The following CPA6 variants were observed in gnomAD, a reference collection of about 807,000 sequenced individuals.
CPA6 encodes carboxypeptidase A6.
CPA6 carries 58 observed loss-of-function variants against 63.3 expected under a neutral mutation model. The ratio of observed to expected loss-of-function variants is 0.92; its 90% CI spans 0.74 to 1.14. The LOEUF (loss-of-function observed/expected upper bound fraction) is 1.14. Among genes scored for constraint, CPA6 ranks in the 50% most tolerant of loss-of-function variants. The pLI is 0.00. For synonymous variants in CPA6, 185 were observed against 179.0 expected (o/e 1.03, Z -0.27); for missense variants, 565 against 526.6 (o/e 1.07, Z -0.71).
At chr8:67,598,381 A>C (rs901479326) in intron 2 of CPA6, among the ~76,000 whole-genome samples, 2 of 152,200 alleles carry the variant, frequency 1.3e-5, no homozygotes, top group African/African-American at 4.8e-5. Context: ...CAAATCACCT[A>C]GTCTGCATTA....
chr8:67,537,123 C>G (rs535741411), intron 2 of CPA6, among the ~76,000 whole-genome samples: 2 of 152,092 alleles, frequency 1.3e-5, no homozygotes. Flanking sequence ...ATTTTCACAT[C>G]GATGTTCATC....
intron 2 of CPA6, among the ~76,000 whole-genome samples, chr8:67,556,743 T>G (rs12681928): frequency 0.49 from 74,076 of 152,184 alleles, 19,252 homozygotes; most frequent in Non-Finnish European, 0.59. Flanking sequence ...TTGGTGAACT[T>G]AGAGGGACTA....
intron 2 of CPA6, among the ~76,000 whole-genome samples, chr8:67,578,502 C>T (rs1813683112): frequency 6.6e-6 from 1 of 152,186 alleles, no homozygotes; most frequent in Non-Finnish European, 1.5e-5. Flanking sequence ...GCACCATGGG[C>T]ACAACCCAAT....
At chr8:67,737,168 A>AC (rs1183597838) in intron 1 of CPA6, among the ~76,000 whole-genome samples, 2 of 152,088 alleles carry the variant, frequency 1.3e-5, no homozygotes, top group Non-Finnish European at 2.9e-5. Context: ...ATGTTATGGG[A>AC]CCTCACCTAC....
chr8:67,538,599 A>G (rs1384160294), intron 2 of CPA6, among the ~76,000 whole-genome samples: 5 of 145,552 alleles, frequency 3.4e-5, no homozygotes, highest in Non-Finnish European at 7.4e-5. Context: ...ATCTTTGCAC[A>G]TGAGATGGGT....
At chr8:67,613,547 T>A (rs1564024276) in intron 2 of CPA6, among the ~76,000 whole-genome samples, 1 of 152,166 alleles carries the variant, frequency 6.6e-6, no homozygotes, top group Non-Finnish European at 1.5e-5. Context: ...CAGCTGCAGG[T>A]TAGTACAAAT....
intron 1 of CPA6, among the ~76,000 whole-genome samples, chr8:67,738,505 T>G (rs1020580570): frequency 2.6e-5 from 4 of 152,132 alleles, no homozygotes. Context: ...CTATGGAGGT[T>G]TAGGATTCTT....
rs557236872 is a variant in CPA6, at chr8:67,591,816, A to G, written c.192+32360T>C. On this transcript the variant is annotated intron_variant, in intron 2 of 10. Coordinates refer to ENST00000297770, the MANE Select transcript of CPA6 (RefSeq NM_020361.5). ...GACAATGGGGTTTTCTAGTTATACT[A>G]TCATGTCATCTGCAAACAGGGACAA... is the stretch of plus-strand genomic sequence containing the variant. Among the ~76,000 whole-genome samples, 18 of 152,352 alleles carry G rather than the reference A, an allele frequency of 1.2e-4. No individual in the cohort carries two copies. In the South Asian group the frequency reaches 3.7e-3, roughly 32 times the overall value.
chr8:67,593,093 CT>C (rs1453958906), intron 2 of CPA6, among the ~76,000 whole-genome samples: 2 of 149,758 alleles, frequency 1.3e-5, no homozygotes, highest in Non-Finnish European at 3.0e-5. Context: ...TGTCTTTGTT[CT>C]CGTTGGTTTC....
At chr8:67,627,166 T>C (rs1345304879) in intron 1 of CPA6, among the ~76,000 whole-genome samples, 1 of 152,116 alleles carries the variant, frequency 6.6e-6, no homozygotes, top group East Asian at 1.9e-4. Context: ...ACCAGTAAAT[T>C]ATATTGATGG....
intron 8 of CPA6, among the ~76,000 whole-genome samples, chr8:67,451,473 C>G: frequency 6.6e-6 from 1 of 152,262 alleles, no homozygotes; most frequent in East Asian, 1.9e-4. Flanking sequence ...GCTCAGGGAT[C>G]CCACTGACTC....
intron 2 of CPA6, among the ~76,000 whole-genome samples, chr8:67,585,797 G>A (rs1813916464): frequency 6.6e-6 from 1 of 152,126 alleles, no homozygotes; most frequent in African/African-American, 2.4e-5. Flanking sequence ...GCATAATAGT[G>A]ATATTTGACG....
intron 8 of CPA6, among the ~76,000 whole-genome samples, chr8:67,464,340 C>T (rs79586502): frequency 0.049 from 7,475 of 152,108 alleles, 275 homozygotes; most frequent in Non-Finnish European, 0.075. Context: ...AATGTCTGTT[C>T]ATATCTTTTG....
At chr8:67,459,140 A>T (rs981183064) in intron 8 of CPA6, among the ~76,000 whole-genome samples, 2 of 152,178 alleles carry the variant, frequency 1.3e-5, no homozygotes, top group Non-Finnish European at 2.9e-5. Context: ...TTATTTAAAA[A>T]TTTTTATCTA....
Position 67,475,834 on chromosome 8 carries a change from T to TC in CPA6, c.838+7933dup, listed in dbSNP as rs1480626093. 2.8e-3 allele frequency among the ~76,000 whole-genome samples: 218 copies of TC among 76,632 alleles called. 4 individuals carry two copies. Among genetic ancestry groups the TC allele is most frequent in the African/African-American group, 8.3e-3 (130 of 15,732 alleles). 50.3% of individuals were successfully genotyped at this position (76,632 alleles called of 152,430 possible). On this transcript the variant is annotated intron_variant, in intron 8 of 10. Transcript: ENST00000297770. The stretch of plus-strand genomic sequence containing the variant: ...CTTTCTTTCCTTTCTTTTCTTTCTT[T>TC]CTTTCTTTCTTTCTTTCTTTCTTTC...
intron 6 of CPA6, among the ~76,000 whole-genome samples, chr8:67,489,065 C>G (rs1320383489): frequency 1.3e-5 from 2 of 152,106 alleles, no homozygotes. Context: ...CATGATTGCC[C>G]TGGCCAGAAC....
intron 1 of CPA6, among the ~76,000 whole-genome samples, chr8:67,655,422 G>A (rs747813570): frequency 1.2e-4 from 19 of 152,210 alleles, no homozygotes; most frequent in Middle Eastern, 3.4e-3. Flanking sequence ...CAAAACTTAG[G>A]AATTAGGAGA....
At chr8:67,615,133 T>G (rs1241861811) in intron 2 of CPA6, among the ~76,000 whole-genome samples, 1 of 152,158 alleles carries the variant, frequency 6.6e-6, no homozygotes, top group Non-Finnish European at 1.5e-5. Context: ...GTTCCACACT[T>G]CTCAGCAACA....
chr8:67,438,593 A>G (rs1299283240), intron 8 of CPA6, among the ~76,000 whole-genome samples: 1 of 152,202 alleles, frequency 6.6e-6, no homozygotes, highest in Non-Finnish European at 1.5e-5. Flanking sequence ...TTCCCACAAA[A>G]TAATGAGTAA....
Sources: allele counts gnomAD v4.1 joint callset (sites outside exome capture counted in the v4.1 genomes callset), GRCh38; gene constraint gnomAD v4.1.1; transcripts MANE v1.5; gene names NCBI Gene and HGNC (gene_info 2026-07-23, HGNC 2026-07-21).